Variants in SH3BP5 observed in about 807,000 individuals in gnomAD.
SH3BP5 encodes the protein SH3 domain binding protein 5.
Under a neutral mutation model 43.3 loss-of-function variants are expected in SH3BP5, and 22 were observed. That is an observed-to-expected ratio of 0.51 (90% CI 0.36 to 0.73). SH3BP5 has a LOEUF of 0.73. SH3BP5 is among the 30% of genes least tolerant of loss of function. SH3BP5 has a pLI of 0.00. For synonymous variants in SH3BP5, 255 were observed against 225.8 expected, an observed-to-expected ratio of 1.13 and a Z score of -1.16; for missense variants, 529 against 586.9, an observed-to-expected ratio of 0.90 and a Z score of 1.02.
At chr3:15,260,052 A>G in intron 5 of SH3BP5, 1 of 546,214 alleles carries the variant, frequency 1.8e-6, no homozygotes, top group South Asian at 2.1e-5. Context: ...CGGGGAACCC[A>G]CACACACATA....
intron 2 of SH3BP5, among the ~76,000 whole-genome samples, chr3:15,309,107 G>A (rs889526258): frequency 1.3e-5 from 2 of 152,132 alleles, no homozygotes; most frequent in African/African-American, 4.8e-5. Flanking sequence ...ATCTTCCATA[G>A]CAGGATGTCC....
At chr3:15,305,468 C>G (rs1469066701) in intron 2 of SH3BP5, among the ~76,000 whole-genome samples, 3 of 150,172 alleles carry the variant, frequency 2.0e-5, no homozygotes, top group African/African-American at 7.5e-5. Context: ...GTAGGTATTA[C>G]AGCCCGTTCC....
chr3:15,336,324 A>G (rs1698700517), upstream of SH3BP5, among the ~76,000 whole-genome samples: 1 of 152,144 alleles, frequency 6.6e-6, no homozygotes, highest in South Asian at 2.1e-4. Context: ...ATGAAATCAG[A>G]GGCAAGCATG....
At position 15,262,877 on chromosome 3, in the gene SH3BP5, G is replaced by C. The variant is rs145673792; in HGVS notation, c.496-588C>G. 1.8e-3 allele frequency among the ~76,000 whole-genome samples: 278 copies of C among 151,544 alleles called. 2 individuals are homozygous for C. Among genetic ancestry groups the C allele is most frequent in the African/African-American group, 6.3e-3 (260 of 41,250 alleles). ...AAAGGCTGAGGCAGGAGAATCACCT[G>C]AACCCAGGAGATGAAGGTTGCAGTA... is the stretch of plus-strand genomic sequence containing the variant. On this transcript the variant is annotated intron_variant, in intron 4 of 8. Transcript: ENST00000383791.
intron 2 of SH3BP5, among the ~76,000 whole-genome samples, chr3:15,319,268 C>T (rs1048561222): frequency 6.6e-6 from 1 of 152,184 alleles, no homozygotes; most frequent in African/African-American, 2.4e-5. Context: ...TTGCCTTTAT[C>T]GTTGCTGGTT....
intron 2 of SH3BP5, among the ~76,000 whole-genome samples, chr3:15,316,219 CTTTTTTTTTTT>C (rs577644493): frequency 1.2e-5 from 1 of 81,686 alleles, no homozygotes; most frequent in Non-Finnish European, 2.2e-5. Flanking sequence ...AAAAGACTCG[CTTTTTTTTTTT>C]TTTTTTTTTT....
At chr3:15,303,702 A>G (rs77290270) in intron 3 of SH3BP5, among the ~76,000 whole-genome samples, 3,197 of 152,232 alleles carry the variant, frequency 0.021, 109 homozygotes, top group African/African-American at 0.071. Context: ...GAAAAAAAAA[A>G]AAAGAAAAAG....
intron 2 of SH3BP5, among the ~76,000 whole-genome samples, chr3:15,329,733 T>C (rs1043936892): frequency 1.3e-5 from 2 of 152,232 alleles, no homozygotes; most frequent in African/African-American, 2.4e-5. Context: ...GAAACTGCGC[T>C]GAGAGTCCCT....
At chr3:15,308,295 C>T (rs567964221) in intron 2 of SH3BP5, among the ~76,000 whole-genome samples, 41 of 152,316 alleles carry the variant, frequency 2.7e-4, no homozygotes, top group Admixed American at 2.2e-3. Flanking sequence ...AGTGCTTTAA[C>T]CCCACCAATT....
chr3:15,303,421 C>G (rs575265297), intron 3 of SH3BP5, among the ~76,000 whole-genome samples: 33 of 152,332 alleles, frequency 2.2e-4, no homozygotes, highest in African/African-American at 6.7e-4. Flanking sequence ...TTCACAGGGC[C>G]TGGCTATCAG....
chr3:15,296,847 C>T (rs1432525570), intron 3 of SH3BP5, among the ~76,000 whole-genome samples: 1 of 149,098 alleles, frequency 6.7e-6, no homozygotes, highest in South Asian at 2.1e-4. Flanking sequence ...GCAAGCACCA[C>T]CATGTCTGGC....
intron 1 of SH3BP5, among the ~76,000 whole-genome samples, chr3:15,337,914 CAAAAAAAAA>C (rs5846867): frequency 1.6e-5 from 1 of 63,306 alleles, no homozygotes; most frequent in African/African-American, 6.6e-5. Flanking sequence ...GACCCTGACT[CAAAAAAAAA>C]AAAAAAAAAA....
intron 2 of SH3BP5, among the ~76,000 whole-genome samples, chr3:15,321,386 C>G (rs73816878): frequency 0.022 from 3,324 of 152,186 alleles, 114 homozygotes; most frequent in African/African-American, 0.075. Flanking sequence ...ACTAATTCAT[C>G]AAGCAAACCC....
chr3:15,316,317 C>T (rs537466924), intron 2 of SH3BP5, among the ~76,000 whole-genome samples: 54 of 151,314 alleles, frequency 3.6e-4, no homozygotes, highest in Admixed American at 3.1e-3. Context: ...CTCCGCCTCC[C>T]GGGTTCAAGT....
Position 15,284,239 on chromosome 3 carries a change from C to T in SH3BP5, c.331-14362G>A, listed in dbSNP as rs543060689. Among the ~76,000 whole-genome samples the T allele has an allele frequency of 3.7e-4, 56 of 152,342 alleles. 1 individual carries two copies. Among genetic ancestry groups the T allele is most frequent in the Non-Finnish European group, 4.4e-5 (3 of 68,034 alleles). On this transcript the variant is annotated intron_variant, in intron 3 of 8. Coordinates refer to ENST00000383791, the MANE Select transcript of SH3BP5 (RefSeq NM_004844.5). ...AGTTTGATAAACTCTCTCCATGCCACCATCTGCACACCCATTTTGCCAAGC... is the reference window on the plus strand; with the variant it reads ...AGTTTGATAAACTCTCTCCATGCCATCATCTGCACACCCATTTTGCCAAGC...
At chr3:15,281,198 G>A (rs1697119122) in intron 3 of SH3BP5, among the ~76,000 whole-genome samples, 1 of 152,144 alleles carries the variant, frequency 6.6e-6, no homozygotes, top group South Asian at 2.1e-4. Context: ...GCTAATTTTT[G>A]TATTTTTAGT....
chr3:15,294,627 T>C (rs189692587), intron 3 of SH3BP5, among the ~76,000 whole-genome samples: 1 of 152,176 alleles, frequency 6.6e-6, no homozygotes, highest in East Asian at 1.9e-4. Flanking sequence ...GTTTCCTCAT[T>C]CGTACTATAA....
chr3:15,256,562 A>T, intron 8 of SH3BP5: 1 of 591,814 alleles, frequency 1.7e-6, no homozygotes, highest in Admixed American at 3.2e-5. Context: ...AATTTGCCAT[A>T]TTCACTTTAT....
At chr3:15,300,201 C>T (rs753522073) in intron 3 of SH3BP5, among the ~76,000 whole-genome samples, 18 of 151,970 alleles carry the variant, frequency 1.2e-4, no homozygotes, top group Non-Finnish European at 2.4e-4. Context: ...GGATTATTTT[C>T]TTCTGTCTAT....
Sources: gnomAD v4.1 joint callset for allele counts (sites outside exome capture counted in the v4.1 genomes callset) on GRCh38, gnomAD v4.1.1 for gene constraint, MANE v1.5 for transcripts, NCBI Gene and HGNC (gene_info 2026-07-23, HGNC 2026-07-21) for gene names.